Variants in MEGF11 observed in about 807,000 individuals in gnomAD.
The protein encoded by MEGF11 is multiple epidermal growth factor-like domains protein 11.
MEGF11 carries 126 observed loss-of-function variants against 146.6 expected under a neutral mutation model. The observed-to-expected ratio is 0.86, with a 90% CI of 0.74 to 1.00. MEGF11 has a LOEUF of 1.00. Among genes scored for constraint, MEGF11 ranks in the 50% least tolerant of loss-of-function variants. The pLI, the probability that MEGF11 is intolerant of heterozygous loss-of-function variation, is 0.00. For missense variants in MEGF11, 1,509 were observed against 1,521.2 expected, an observed-to-expected ratio of 0.99 and a Z score of 0.13; for synonymous variants, 532 against 583.4, an observed-to-expected ratio of 0.91 and a Z score of 1.27.
chr15:66,181,664 G>A (rs111496401), intron 1 of MEGF11, among the ~76,000 whole-genome samples: 2 of 152,298 alleles, frequency 1.3e-5, no homozygotes, highest in South Asian at 4.1e-4. Flanking sequence ...AATCTCATCT[G>A]TGGAAAGTTA....
chr15:66,153,341 G>A (rs192726568), intron 1 of MEGF11, among the ~76,000 whole-genome samples: 346 of 152,296 alleles, frequency 2.3e-3, no homozygotes, highest in Middle Eastern at 0.014. Context: ...TTGGGAGGCC[G>A]AGGTGAGAGG....
chr15:66,031,356 G>A (rs887207411), intron 5 of MEGF11, among the ~76,000 whole-genome samples: 2 of 152,332 alleles, frequency 1.3e-5, no homozygotes, highest in East Asian at 1.9e-4. Context: ...GAATATGCAA[G>A]GATGTTGTCT....
At chr15:65,959,228 C>T (rs963494698) in intron 9 of MEGF11, among the ~76,000 whole-genome samples, 4 of 152,146 alleles carry the variant, frequency 2.6e-5, no homozygotes, top group Admixed American at 2.0e-4. Context: ...CAACAGAGTC[C>T]CTGGCACACT....
At chr15:66,065,748 A>G (rs896664219) in intron 5 of MEGF11, among the ~76,000 whole-genome samples, 1 of 152,000 alleles carries the variant, frequency 6.6e-6, no homozygotes, top group East Asian at 1.9e-4. Context: ...TTTTCCCCCT[A>G]TTGATTTTCC....
At chr15:65,915,408 C>T in intron 19 of MEGF11, 62 bp downstream of exon 19, 7 of 1,569,612 alleles carry the variant, frequency 4.5e-6, no homozygotes, top group Non-Finnish European at 6.1e-6. Context: ...GAGTTGGAAT[C>T]TCCCTAGAGC....
Position 65,915,592 on chromosome 15 carries a change from G to T in MEGF11, c.2351C>A (p.Ala784Asp). ...ACACCCATAGCCAAAGGTTCCTGGGGCACATCCTGTGTGGCACAAAGAGTT... is the reference window on the plus strand; with the variant it reads ...ACACCCATAGCCAAAGGTTCCTGGGTCACATCCTGTGTGGCACAAAGAGTT... ...FTGQHCEQRC[A>D]PGTFGYGCQQ... Residue 784 changes from alanine (A) to aspartate (D), a missense_variant, in exon 19 of 26, where the codon GCC (alanine) becomes GAC (aspartate). Coordinates refer to ENST00000395614, the MANE Select transcript of MEGF11 (RefSeq NM_001385028.1). The T allele has an allele frequency of 3.1e-6, 5 of 1,613,844 alleles. No homozygotes were observed. Among genetic ancestry groups the T allele is most frequent in the Non-Finnish European group, 4.2e-6 (5 of 1,179,806 alleles).
At chr15:66,183,562 G>T (rs535562760) in intron 1 of MEGF11, among the ~76,000 whole-genome samples, 1 of 150,408 alleles carries the variant, frequency 6.6e-6, no homozygotes, top group Non-Finnish European at 1.5e-5. Context: ...AAAAGAAAAC[G>T]GATGCCACGA....
chr15:66,030,731 G>A (rs2140235386), intron 5 of MEGF11, among the ~76,000 whole-genome samples: 1 of 152,202 alleles, frequency 6.6e-6, no homozygotes, highest in Non-Finnish European at 1.5e-5. Context: ...TTACATACAG[G>A]CTTTGGAGCC....
intron 15 of MEGF11, 110 bp from the exon 16 acceptor site, chr15:65,918,204 G>A: frequency 4.7e-6 from 7 of 1,488,340 alleles, no homozygotes; most frequent in Non-Finnish European, 5.5e-6. Flanking sequence ...TCACCCAGGG[G>A]TCATGGATCT....
chr15:65,912,845 A>G (rs2078858828), intron 20 of MEGF11, among the ~76,000 whole-genome samples: 1 of 152,320 alleles, frequency 6.6e-6, no homozygotes, highest in Non-Finnish European at 1.5e-5. Flanking sequence ...ACAGAAGGCA[A>G]CACTTAGCAG....
At chr15:65,907,480 A>G (rs1380309989) in intron 23 of MEGF11, among the ~76,000 whole-genome samples, 1 of 152,068 alleles carries the variant, frequency 6.6e-6, no homozygotes, top group Non-Finnish European at 1.5e-5. Flanking sequence ...TATTTTTAAC[A>G]GATGGGGTTT....
chr15:66,082,269 C>T (rs993511945), intron 5 of MEGF11, among the ~76,000 whole-genome samples: 2 of 151,192 alleles, frequency 1.3e-5, no homozygotes, highest in South Asian at 4.2e-4. Context: ...ACACATATGT[C>T]CTCCCCAGGC....
intron 12 of MEGF11, among the ~76,000 whole-genome samples, chr15:65,929,308 A>G (rs1234714883): frequency 6.6e-6 from 1 of 152,234 alleles, no homozygotes; most frequent in Non-Finnish European, 1.5e-5. Flanking sequence ...CACTCTGATC[A>G]TAAAAGTACA....
intron 5 of MEGF11, among the ~76,000 whole-genome samples, chr15:66,041,673 C>T (rs2083985272): frequency 6.6e-6 from 1 of 152,228 alleles, no homozygotes; most frequent in South Asian, 2.1e-4. Context: ...ATCGTTGCGA[C>T]AGAAACCTTG....
At chr15:66,021,094 G>A (rs2083108525) in intron 5 of MEGF11, among the ~76,000 whole-genome samples, 1 of 150,368 alleles carries the variant, frequency 6.7e-6, no homozygotes, top group Non-Finnish European at 1.5e-5. Context: ...CACCGTCCAG[G>A]AGGACACTGG....
chr15:66,192,238 C>T (rs12908120), intron 1 of MEGF11, among the ~76,000 whole-genome samples: 67,392 of 151,514 alleles, frequency 0.44, 15,331 homozygotes, highest in East Asian at 0.61. Flanking sequence ...GAGGCCGAGG[C>T]GGGGAGATCA....
intron 8 of MEGF11, among the ~76,000 whole-genome samples, chr15:65,966,460 ATC>A (rs1337601657): frequency 2.0e-5 from 3 of 152,238 alleles, no homozygotes; most frequent in Admixed American, 2.0e-4. Flanking sequence ...TCTATACAGT[ATC>A]TCTGGTTTTT....
intron 5 of MEGF11, among the ~76,000 whole-genome samples, chr15:66,032,672 G>A (rs2083569119): frequency 6.6e-6 from 1 of 152,244 alleles, no homozygotes; most frequent in Admixed American, 6.5e-5. Context: ...CTATGCTTGT[G>A]CTTGAGAAGA....
At chr15:65,943,809 G>A (rs548760826) in intron 10 of MEGF11, among the ~76,000 whole-genome samples, 8 of 152,192 alleles carry the variant, frequency 5.3e-5, no homozygotes, top group Non-Finnish European at 7.4e-5. Flanking sequence ...AGCATGGTAC[G>A]GGTCAAAGTC....
Sources: allele counts gnomAD v4.1 joint callset (sites outside exome capture counted in the v4.1 genomes callset), GRCh38; gene constraint gnomAD v4.1.1; transcripts MANE v1.5; gene names NCBI Gene and HGNC (gene_info 2026-07-23, HGNC 2026-07-21).